The following NRG3 variants were observed in gnomAD, a reference collection of about 807,000 sequenced individuals.
NRG3 encodes pro-neuregulin-3, membrane-bound isoform.
In NRG3, 31 loss-of-function variants were observed where a neutral mutation model predicts 66.9. That is an observed-to-expected ratio of 0.46 (90% confidence interval 0.35 to 0.63). NRG3 has a LOEUF of 0.63. NRG3 is among the 20% of genes least tolerant of loss of function. NRG3 has a pLI of 0.00. For missense variants in NRG3, 910 were observed against 878.9 expected (o/e 1.04, Z -0.45); for synonymous variants, 393 against 359.4 (o/e 1.09, Z -1.06).
chr10:82,539,963 C>A (rs1158361302), intron 2 of NRG3, among the ~76,000 whole-genome samples: 1 of 151,334 alleles, frequency 6.6e-6, no homozygotes, highest in Non-Finnish European at 1.5e-5. Context: ...TTAATATAAT[C>A]AACTACTTTT....
intron 2 of NRG3, among the ~76,000 whole-genome samples, chr10:82,541,196 A>T (rs1276985870): frequency 1.3e-5 from 2 of 152,206 alleles, no homozygotes; most frequent in African/African-American, 4.8e-5. Flanking sequence ...ACTTATTGGT[A>T]GATATAAATA....
intron 3 of NRG3, among the ~76,000 whole-genome samples, chr10:82,830,698 G>A (rs1564544275): frequency 6.6e-6 from 1 of 152,174 alleles, no homozygotes; most frequent in African/African-American, 2.4e-5. Flanking sequence ...ATTAGAAGCT[G>A]TATTCTGGTT....
At chr10:82,584,153 C>A (rs1298745662) in intron 2 of NRG3, among the ~76,000 whole-genome samples, 1 of 152,144 alleles carries the variant, frequency 6.6e-6, no homozygotes, top group Non-Finnish European at 1.5e-5. Context: ...GTGGTGTGAT[C>A]TCAGCTCACT....
chr10:82,482,725 T>C (rs767586457), intron 2 of NRG3, among the ~76,000 whole-genome samples: 1 of 152,162 alleles, frequency 6.6e-6, no homozygotes, highest in Non-Finnish European at 1.5e-5. Flanking sequence ...CAAGTGCTTA[T>C]TAAAGTTTAG....
chr10:82,150,630 G>T (rs900839356), intron 1 of NRG3, among the ~76,000 whole-genome samples: 6 of 151,590 alleles, frequency 4.0e-5, no homozygotes, highest in African/African-American at 1.5e-4. Flanking sequence ...GGCTGCTAGA[G>T]GTTGACTCTT....
chr10:82,740,081 T>A (rs1057073843), intron 3 of NRG3, among the ~76,000 whole-genome samples: 3 of 152,040 alleles, frequency 2.0e-5, no homozygotes, highest in African/African-American at 7.2e-5. Context: ...TTTTATCCCT[T>A]CTCTTTTCCT....
intron 4 of NRG3, among the ~76,000 whole-genome samples, chr10:82,908,532 ATTAGT>A: frequency 1.4e-4 from 21 of 152,340 alleles, no homozygotes; most frequent in African/African-American, 4.8e-4. Context: ...CATGTTGTTC[ATTAGT>A]GGTAATTACT....
At chr10:82,440,410 G>T in intron 2 of NRG3, among the ~76,000 whole-genome samples, 1 of 105,676 alleles carries the variant, frequency 9.5e-6, no homozygotes. Flanking sequence ...TTATATGTAT[G>T]CTATACTTTT....
At chr10:81,906,142 TG>T (rs1844585430) in intron 1 of NRG3, among the ~76,000 whole-genome samples, 1 of 152,048 alleles carries the variant, frequency 6.6e-6, no homozygotes, top group South Asian at 2.1e-4. Flanking sequence ...CGTAACTGGG[TG>T]TTACAGAACA....
At chr10:82,727,236 T>C (rs1246111109) in intron 2 of NRG3, among the ~76,000 whole-genome samples, 1 of 152,206 alleles carries the variant, frequency 6.6e-6, no homozygotes, top group Non-Finnish European at 1.5e-5. Flanking sequence ...AGGAGCCGAA[T>C]GTTAATCCCC....
At chr10:82,444,588 G>A (rs2090617453) in intron 2 of NRG3, among the ~76,000 whole-genome samples, 1 of 152,146 alleles carries the variant, frequency 6.6e-6, no homozygotes, top group South Asian at 2.1e-4. Context: ...TGAGGGGAGG[G>A]CCTTCTTGAT....
At chr10:82,217,104 T>C (rs1043310638) in intron 1 of NRG3, among the ~76,000 whole-genome samples, 1 of 152,220 alleles carries the variant, frequency 6.6e-6, no homozygotes, top group African/African-American at 2.4e-5. Context: ...TAAATTTTCT[T>C]TCCTGAAACT....
intron 1 of NRG3, among the ~76,000 whole-genome samples, chr10:81,891,864 AG>A (rs1289416422): frequency 2.0e-5 from 3 of 152,186 alleles, no homozygotes; most frequent in African/African-American, 4.8e-5. Context: ...CCAGGAGGCC[AG>A]GGTTTTAAAT....
At chr10:82,799,845 C>T (rs1056513398) in intron 3 of NRG3, 1 of 152,212 alleles carries the variant, frequency 6.6e-6, no homozygotes, top group Non-Finnish European at 1.5e-5. Flanking sequence ...GACTCACTGC[C>T]TACAATGTAA....
intron 2 of NRG3, among the ~76,000 whole-genome samples, chr10:82,452,727 G>T (rs943025506): frequency 1.1e-4 from 17 of 151,810 alleles, no homozygotes; most frequent in African/African-American, 4.1e-4. Flanking sequence ...ACATATATTA[G>T]ATATAGTCAT....
At chr10:81,881,596 A>G (rs918594907) in intron 1 of NRG3, among the ~76,000 whole-genome samples, 1 of 152,152 alleles carries the variant, frequency 6.6e-6, no homozygotes, top group Non-Finnish European at 1.5e-5. Flanking sequence ...ACATGTTTCA[A>G]ATGTTTACTA....
chr10:82,923,205 A>G (rs891555515), intron 4 of NRG3, among the ~76,000 whole-genome samples: 4 of 152,136 alleles, frequency 2.6e-5, no homozygotes, highest in African/African-American at 9.7e-5. Flanking sequence ...TTAATATTAC[A>G]TGCTCTCTTT....
intron 1 of NRG3, among the ~76,000 whole-genome samples, chr10:82,268,001 G>C (rs1383122120): frequency 6.6e-6 from 1 of 152,194 alleles, no homozygotes; most frequent in African/African-American, 2.4e-5. Context: ...TTGGAGAAAA[G>C]ATGTAGTATG....
At chr10:82,612,301 C>T (rs2048362283) in intron 2 of NRG3, among the ~76,000 whole-genome samples, 1 of 151,968 alleles carries the variant, frequency 6.6e-6, no homozygotes. Flanking sequence ...TCCATCTTGC[C>T]TTCCTTCCCT....
Sources: gnomAD v4.1 joint callset for allele counts (sites outside exome capture counted in the v4.1 genomes callset) on GRCh38, gnomAD v4.1.1 for gene constraint, MANE v1.5 for transcripts, NCBI Gene and HGNC (gene_info 2026-07-23, HGNC 2026-07-21) for gene names.